The following TNRC18 variants were observed in gnomAD, a reference collection of about 807,000 sequenced individuals.
The protein encoded by TNRC18 is trinucleotide repeat-containing gene 18 protein.
In TNRC18, 69 loss-of-function variants were observed where a neutral mutation model predicts 226.7. The ratio of observed to expected loss-of-function variants is 0.30; its 90% CI spans 0.25 to 0.37. The LOEUF (loss-of-function observed/expected upper bound fraction) is 0.37. TNRC18 is among the 10% of genes least tolerant of loss of function. The pLI is 1.00. For missense variants in TNRC18, 4,754 were observed against 4,256.6 expected (o/e 1.12, Z -3.25); for synonymous variants, 2,449 against 1,927.6 (o/e 1.27, Z -7.09).
chr7:5,367,015 C>T (rs545679297), intron 11 of TNRC18, among the ~76,000 whole-genome samples: 14 of 152,296 alleles, frequency 9.2e-5, no homozygotes, highest in African/African-American at 3.4e-4. Flanking sequence ...CAGAGGTGGT[C>T]AAGTTCAAGT....
In TNRC18 at chr7:5,388,463, G is replaced by A. The variant is rs767176663; in HGVS notation, c.1361C>T (p.Pro454Leu). ...APTVRATRAS[P>L]DPRAYVPAKE... is the part of the protein sequence containing the mutation. ...GGCAGGCACGTAGGCGCGGGGGTCC[G>A]GGGAGGCGCGTGTGGCCCGCACCGT... is the stretch of plus-strand genomic sequence containing the variant. The change falls in exon 5 of 30, where the codon CCG becomes CTG. Residue 454 changes from proline to leucine, a missense_variant. By Grantham distance (98) the Pro-to-Leu change is moderately conservative. Coordinates refer to ENST00000430969, the MANE Select transcript of TNRC18 (RefSeq NM_001080495.3). 1,335 of 1,433,766 alleles carry A rather than the reference G, an allele frequency of 9.3e-4. 3 individuals carry two copies. Among genetic ancestry groups the A allele is most frequent in the Non-Finnish European group, 1.1e-3 (1,203 of 1,105,906 alleles). The allele number at this position is 1,433,766 out of a possible 1,614,324, so 88.8% of individuals were successfully genotyped here.
At chr7:5,322,283 A>C (rs200248989) in intron 21 of TNRC18, among the ~76,000 whole-genome samples, 7 of 149,506 alleles carry the variant, frequency 4.7e-5, no homozygotes, top group African/African-American at 1.5e-4. Flanking sequence ...CCGTCTCAAT[A>C]ATCATCATCA....
chr7:5,422,266 G>C (rs1453561275), intron 1 of TNRC18, among the ~76,000 whole-genome samples: 1 of 152,138 alleles, frequency 6.6e-6, no homozygotes, highest in Non-Finnish European at 1.5e-5. Flanking sequence ...GCCTGGCGTG[G>C]GGGATTTGGG....
chr7:5,419,167 C>T (rs1405552182), intron 2 of TNRC18, among the ~76,000 whole-genome samples: 1 of 152,280 alleles, frequency 6.6e-6, no homozygotes, highest in Non-Finnish European at 1.5e-5. Context: ...CTCAGCCTCA[C>T]CATCCAGCAA....
In TNRC18 at chr7:5,330,402, G is replaced by GT. The variant is rs1487179709; in HGVS notation, c.6147+2219dup. Reference sequence around the variant, plus strand: ...TGATCACCACCACTCCCAGCTAATTGTTTTTTTGTTGTTTTTTTTTTTTGG... The same window carrying GT: ...TGATCACCACCACTCCCAGCTAATTGTTTTTTTTGTTGTTTTTTTTTTTTGG... On this transcript the variant is annotated intron_variant, in intron 19 of 29. Transcript: ENST00000430969. 3.4e-3 allele frequency among the ~76,000 whole-genome samples: 490 copies of GT among 144,710 alleles called. 4 individuals are homozygous for GT. Among genetic ancestry groups the GT allele is most frequent in the Non-Finnish European group, 4.7e-3 (308 of 64,868 alleles). The allele number at this position is 144,710 out of a possible 152,430, so 94.9% of individuals were successfully genotyped here.
rs748991240 is a variant in TNRC18 at position 5,351,919 on chromosome 7, G to C, written c.5370C>G (p.Pro1790=). 1 of 1,613,754 alleles carries C rather than the reference G, an allele frequency of 6.2e-7. No individual in the cohort carries two copies. The highest frequency in any genetic ancestry group is 8.5e-7 in the Non-Finnish European group (1 of 1,179,826). The part of the protein sequence containing the change: ...RGLAAPRTLK[P]KPATSRKQPF... Reference sequence around the variant, plus strand: ...GCTGCTTCCTGCTGGTGGCCGGCTTGGGTTTCAGAGTCCGGGGGGCCGCCA... The same window carrying C: ...GCTGCTTCCTGCTGGTGGCCGGCTTCGGTTTCAGAGTCCGGGGGGCCGCCA... Residue 1790 remains proline (P), a synonymous_variant, in exon 17 of 30, where the codon CCC becomes CCG. Coordinates refer to ENST00000430969, the MANE Select transcript of TNRC18 (RefSeq NM_001080495.3).
chr7:5,413,416 G>C (rs1781965509), intron 2 of TNRC18, among the ~76,000 whole-genome samples: 1 of 152,040 alleles, frequency 6.6e-6, no homozygotes. Flanking sequence ...AACCTCCAAA[G>C]GGCCATAACC....
Position 5,421,250 on chromosome 7 carries a change from C to G in TNRC18, c.-4G>C, listed in dbSNP as rs1470843712. On this transcript the variant is annotated 5_prime_UTR_variant, in exon 2 of 30. Coordinates refer to ENST00000430969, the MANE Select transcript of TNRC18 (RefSeq NM_001080495.3). The stretch of plus-strand genomic sequence containing the variant: ...GCCCGAAGTCTCGGCCATCCATCCT[C>G]CGCGGGAGTGCCGCGATCAGCCCCC... The G allele has an allele frequency of 7.0e-6, 9 of 1,292,406 alleles. No homozygotes were observed. Among genetic ancestry groups the G allele is most frequent in the Non-Finnish European group, 7.9e-6 (8 of 1,017,050 alleles). 80.1% of individuals were successfully genotyped at this position (1,292,406 alleles called of 1,614,324 possible).
rs765498421 is a variant in TNRC18 at position 5,359,509 on chromosome 7, C to G, written c.4722G>C (p.Lys1574Asn). ...DDYELGAGIRKRHKGSEEEHD... is the reference protein window; with the variant it reads ...DDYELGAGIRNRHKGSEEEHD... Reference sequence around the variant, plus strand: ...GTTCCTCCTCAGACCCCTTGTGTCTCTTTCTTATCCCTGCTCCCAGCTCAT... The same window carrying G: ...GTTCCTCCTCAGACCCCTTGTGTCTGTTTCTTATCCCTGCTCCCAGCTCAT... Residue 1574 changes from lysine (K) to asparagine (N), a missense_variant, in exon 15 of 30, where the codon AAG (lysine) becomes AAC (asparagine). By Grantham distance (94) the Lys-to-Asn change is moderately conservative (BLOSUM62 0). Transcript: ENST00000430969. 11 of 1,613,900 alleles carry G rather than the reference C, an allele frequency of 6.8e-6. No individual in the cohort carries two copies. Among genetic ancestry groups the G allele is most frequent in the Non-Finnish European group, 8.5e-6 (10 of 1,179,898 alleles).
At chr7:5,329,191 T>C (rs1583791870) in intron 19 of TNRC18, among the ~76,000 whole-genome samples, 2 of 151,580 alleles carry the variant, frequency 1.3e-5, no homozygotes, top group Non-Finnish European at 2.9e-5. Flanking sequence ...TGATCCCAGC[T>C]ACTCGGGAGG....
In TNRC18 at chr7:5,370,954, C is replaced by A. The variant is rs201741431; in HGVS notation, c.3640G>T (p.Ala1214Ser). Residue 1214 changes from alanine to serine, a missense_variant, in exon 11 of 30, where the codon GCA (alanine) becomes TCA (serine). By Grantham distance (99) the Ala-to-Ser change is moderately conservative (BLOSUM62 1). Coordinates refer to ENST00000430969, the MANE Select transcript of TNRC18 (RefSeq NM_001080495.3). ...QALSATGQSC[A>S]EPSECPDFVE... ...AAGTCTGGACACTCAGAGGGCTCTGCGCAGCTCTGCCCGGTGGCACTCAGC... is the reference window on the plus strand; with the variant it reads ...AAGTCTGGACACTCAGAGGGCTCTGAGCAGCTCTGCCCGGTGGCACTCAGC... The A allele has an allele frequency of 5.6e-6, 9 of 1,605,128 alleles. No individual in the cohort carries two copies. Among genetic ancestry groups the A allele is most frequent in the South Asian group, 1.1e-5 (1 of 91,090 alleles).
chr7:5,385,512 A>G (rs1397636771), intron 5 of TNRC18, among the ~76,000 whole-genome samples: 4 of 133,316 alleles, frequency 3.0e-5, no homozygotes, highest in Admixed American at 1.5e-4. Flanking sequence ...AAAAAAAAAA[A>G]AAAAAGAAAA....
chr7:5,394,117 T>C lies in TNRC18; in HGVS notation c.343+323A>G, dbSNP rs1017437111. On this transcript the variant is annotated intron_variant, in intron 3 of 29. Coordinates refer to ENST00000430969, the MANE Select transcript of TNRC18 (RefSeq NM_001080495.3). The surrounding 1 kb of genome is among the most constrained non-coding windows in gnomAD (Gnocchi z 4.5). The stretch of plus-strand genomic sequence containing the variant: ...CTCCGGTGGGAAAGCGGGTAGTTCA[T>C]GAATGATGAGATAATCTGTCGTCAC... 5.3e-5 allele frequency among the ~76,000 whole-genome samples: 8 copies of C among 152,180 alleles called. No homozygotes were observed. In the South Asian group the frequency reaches 1.5e-3, roughly 28 times the overall value.
At chr7:5,384,903 G>A (rs1326975723) in intron 5 of TNRC18, among the ~76,000 whole-genome samples, 2 of 152,250 alleles carry the variant, frequency 1.3e-5, no homozygotes, top group Non-Finnish European at 2.9e-5. Context: ...AACACTCACT[G>A]AGCATCGCTC....
chr7:5,357,883 G>A (rs185448371), intron 15 of TNRC18, among the ~76,000 whole-genome samples: 1 of 152,160 alleles, frequency 6.6e-6, no homozygotes, highest in African/African-American at 2.4e-5. Flanking sequence ...TGACCACAAC[G>A]TCTGGTACAA....
chr7:5,377,281 G>A lies in TNRC18; in HGVS notation c.2461+90C>T. On this transcript the variant is annotated intron_variant, in intron 7 of 29. Transcript: ENST00000430969. This position sits in a 1 kb window ranked among gnomAD's most constrained non-coding sequence, Gnocchi z 5.8. ...GGCCCAGGCCCCCCAGGAAACGGCAGGCAGGAGCCAGCCCTGAGCTCTTGT... is the reference window on the plus strand; with the variant it reads ...GGCCCAGGCCCCCCAGGAAACGGCAAGCAGGAGCCAGCCCTGAGCTCTTGT... 1 of 1,348,234 alleles carries A rather than the reference G, an allele frequency of 7.4e-7. No individual in the cohort carries two copies. Among genetic ancestry groups the A allele is most frequent in the Non-Finnish European group, 9.9e-7 (1 of 1,007,332 alleles). 83.5% of individuals were successfully genotyped at this position (1,348,234 alleles called of 1,614,324 possible).
At chr7:5,358,262 G>A (rs553316128) in intron 15 of TNRC18, among the ~76,000 whole-genome samples, 65 of 152,256 alleles carry the variant, frequency 4.3e-4, no homozygotes, top group Middle Eastern at 3.4e-3. Context: ...CATGTCTATC[G>A]TCAGCTGTAG....
chr7:5,396,698 C>T (rs1245946654), intron 2 of TNRC18, among the ~76,000 whole-genome samples: 4 of 152,088 alleles, frequency 2.6e-5, no homozygotes, highest in Non-Finnish European at 5.9e-5. Flanking sequence ...GGAGGGATTC[C>T]GTGTGTACCC....
chr7:5,363,867 A>C (rs1793340605), intron 11 of TNRC18, among the ~76,000 whole-genome samples: 1 of 152,054 alleles, frequency 6.6e-6, no homozygotes, highest in Non-Finnish European at 1.5e-5. Context: ...GTAAAAAAAA[A>C]AGACAGCCCG....
Sources: gnomAD v4.1 joint callset for allele counts (sites outside exome capture counted in the v4.1 genomes callset) on GRCh38, gnomAD v4.1.1 for gene constraint, Gnocchi (gnomAD v3.1) non-coding constraint, MANE v1.5 for transcripts, NCBI Gene and HGNC (gene_info 2026-07-23, HGNC 2026-07-21) for gene names.